Variants in KALRN observed in about 807,000 individuals in gnomAD.
KALRN encodes the protein kalirin RhoGEF kinase, also known as kalirin.
A neutral mutation model predicts 353.7 loss-of-function variants in KALRN; 70 were observed. The ratio of observed to expected loss-of-function variants is 0.20; its 90% CI spans 0.16 to 0.24. KALRN has a LOEUF of 0.24. KALRN is among the 10% of genes least tolerant of loss of function. KALRN has a pLI of 1.00. For missense variants in KALRN, 2,791 were observed against 3,756.7 expected, an observed-to-expected ratio of 0.74 and a Z score of 6.72; for synonymous variants, 1,391 against 1,434.8, an observed-to-expected ratio of 0.97 and a Z score of 0.69.
chr3:124,648,882 G>A (rs987397789), intron 37 of KALRN, among the ~76,000 whole-genome samples: 1 of 152,140 alleles, frequency 6.6e-6, no homozygotes, highest in Non-Finnish European at 1.5e-5. Flanking sequence ...TTAATAACAG[G>A]TTACAGATCC....
intron 33 of KALRN, among the ~76,000 whole-genome samples, chr3:124,554,400 C>T (rs2070948159): frequency 6.6e-6 from 1 of 152,146 alleles, no homozygotes; most frequent in African/African-American, 2.4e-5. Context: ...TCTCCTTTTT[C>T]AGGGTTGTTG....
intron 5 of KALRN, among the ~76,000 whole-genome samples, chr3:124,274,969 C>T (rs2074549344): frequency 6.6e-6 from 1 of 152,200 alleles, no homozygotes; most frequent in African/African-American, 2.4e-5. Flanking sequence ...CCTGGGGTGA[C>T]ACGTATCAAT....
intron 3 of KALRN, among the ~76,000 whole-genome samples, chr3:124,255,888 A>G (rs2071898684): frequency 6.6e-6 from 1 of 152,234 alleles, no homozygotes; most frequent in African/African-American, 2.4e-5. Context: ...GAGAGGGCAA[A>G]CTGAATATAA....
At chr3:124,423,405 A>T (rs1413165887) in intron 15 of KALRN, among the ~76,000 whole-genome samples, 1 of 152,254 alleles carries the variant, frequency 6.6e-6, no homozygotes, top group African/African-American at 2.4e-5. Context: ...ACTAGTAGCA[A>T]TTACCATCAC....
intron 1 of KALRN, among the ~76,000 whole-genome samples, chr3:124,172,024 CT>C (rs2071911151): frequency 6.6e-6 from 1 of 152,164 alleles, no homozygotes; most frequent in Admixed American, 6.5e-5. Flanking sequence ...CCAGTTCAGT[CT>C]TAGTTCTGAC....
intron 51 of KALRN, among the ~76,000 whole-genome samples, chr3:124,684,428 G>A (rs1708320): frequency 0.69 from 105,202 of 152,042 alleles, 37,004 homozygotes; most frequent in East Asian, 0.9. Flanking sequence ...TTGGCTTTCC[G>A]AGGCTGAAGT....
intron 34 of KALRN, among the ~76,000 whole-genome samples, chr3:124,575,273 C>T (rs1221637026): frequency 6.6e-6 from 1 of 152,250 alleles, no homozygotes; most frequent in East Asian, 1.9e-4. Flanking sequence ...GGAAGTCTGG[C>T]TCCTCACCTT....
chr3:124,249,513 G>T (rs1227406807), intron 3 of KALRN, among the ~76,000 whole-genome samples: 1 of 152,174 alleles, frequency 6.6e-6, no homozygotes, highest in African/African-American at 2.4e-5. Flanking sequence ...AAGGGGTCCA[G>T]TCATGGGCTC....
At chr3:124,363,220 C>T (rs2084259510) in intron 10 of KALRN, among the ~76,000 whole-genome samples, 1 of 152,152 alleles carries the variant, frequency 6.6e-6, no homozygotes, top group South Asian at 2.1e-4. Flanking sequence ...TAGATTTTCC[C>T]TTTCTTCACT....
At chr3:124,247,700 T>C (rs2070509285) in intron 3 of KALRN, among the ~76,000 whole-genome samples, 1 of 152,188 alleles carries the variant, frequency 6.6e-6, no homozygotes. Flanking sequence ...AGATAAAACA[T>C]TGAAGATAAT....
intron 1 of KALRN, among the ~76,000 whole-genome samples, chr3:124,219,455 T>C (rs1392980452): frequency 3.3e-5 from 5 of 152,206 alleles, no homozygotes; most frequent in Non-Finnish European, 7.4e-5. Flanking sequence ...ACATTGCTTT[T>C]CTCCAGTGTA....
intron 1 of KALRN, among the ~76,000 whole-genome samples, chr3:124,078,466 C>A (rs2060371147): frequency 6.6e-6 from 1 of 151,974 alleles, no homozygotes; most frequent in South Asian, 2.1e-4. Flanking sequence ...CAGTCTAGGC[C>A]CTGTCGTGTA....
rs146062176 is a variant in KALRN, at chr3:124,337,920, G to A, written c.1647+3425G>A. Among the ~76,000 whole-genome samples, 16 of 152,248 alleles carry A rather than the reference G, an allele frequency of 1.1e-4. No individual in the cohort carries two copies. The East Asian group carries it at 2.7e-3, about 26-fold the overall frequency. On this transcript the variant is annotated intron_variant, in intron 9 of 59. Transcript: ENST00000682506. ...TTCTTCTAGATTTTCTAGTTTATTT[G>A]CGTAGAGGTATTTATAGTATTCTCT...
chr3:124,626,141 CAAAT>C (rs951484795), intron 34 of KALRN, among the ~76,000 whole-genome samples: 81 of 152,144 alleles, frequency 5.3e-4, no homozygotes, highest in African/African-American at 1.9e-3. Context: ...GAATAAATCT[CAAAT>C]AATTTTGAAT....
chr3:124,366,858 A>T (rs75243263), intron 10 of KALRN, among the ~76,000 whole-genome samples: 1 of 129,764 alleles, frequency 7.7e-6, no homozygotes, highest in Non-Finnish European at 1.6e-5. Context: ...TCCCTCCCGG[A>T]CGGGGCGGCT....
chr3:124,038,181 G>T (rs528328490), intron 1 of KALRN, among the ~76,000 whole-genome samples: 2 of 152,150 alleles, frequency 1.3e-5, no homozygotes, highest in East Asian at 3.9e-4. Context: ...GAGACCCCAG[G>T]GAGTCAGTGT....
intron 19 of KALRN, among the ~76,000 whole-genome samples, chr3:124,444,339 T>C (rs1242137496): frequency 6.6e-6 from 1 of 152,244 alleles, no homozygotes; most frequent in Non-Finnish European, 1.5e-5. Context: ...GCAAGTACAT[T>C]TCAAGGCCCT....
At chr3:124,330,246 T>TCTCACACACACACACA (rs1421313474) in intron 8 of KALRN, among the ~76,000 whole-genome samples, 11 of 134,308 alleles carry the variant, frequency 8.2e-5, no homozygotes, top group South Asian at 2.6e-4. Context: ...TCTCTCTCTC[T>TCTCACACACACACACA]CACACACACA....
chr3:124,118,536 T>C (rs1260708940), intron 1 of KALRN, among the ~76,000 whole-genome samples: 1 of 152,202 alleles, frequency 6.6e-6, no homozygotes, highest in Non-Finnish European at 1.5e-5. Flanking sequence ...GACACTTCCA[T>C]GCATCCACAG....
Sources: gnomAD v4.1 joint callset for allele counts (sites outside exome capture counted in the v4.1 genomes callset) on GRCh38, gnomAD v4.1.1 for gene constraint, MANE v1.5 for transcripts, NCBI Gene and HGNC (gene_info 2026-07-23, HGNC 2026-07-21) for gene names.